ADAM22: variants seen among roughly 807,000 people sequenced by gnomAD.
ADAM22 encodes the protein ADAM metallopeptidase domain 22, also known as disintegrin and metalloproteinase domain-containing protein 22.
In ADAM22, 65 loss-of-function variants were observed where a neutral mutation model predicts 144.6. That is an observed-to-expected ratio of 0.45 (90% CI 0.37 to 0.55). The LOEUF is 0.55. Among genes scored for constraint, ADAM22 ranks in the 20% least tolerant of loss-of-function variants. The probability of loss-of-function intolerance (pLI) is 0.00; values close to 1 mark genes in which losing one functional copy is unlikely to be tolerated. For missense variants in ADAM22, 974 were observed against 1,184.9 expected (o/e 0.82, Z 2.61); for synonymous variants, 391 against 412.6 (o/e 0.95, Z 0.63).
intron 12 of ADAM22, among the ~76,000 whole-genome samples, chr7:88,133,845 T>C (rs1255473362): frequency 6.6e-6 from 1 of 152,206 alleles, no homozygotes; most frequent in Non-Finnish European, 1.5e-5. Context: ...AAGTTTCTAT[T>C]GGCCGAAGAT....
chr7:88,159,578 C>T (rs1293869456), intron 22 of ADAM22, among the ~76,000 whole-genome samples: 1 of 152,088 alleles, frequency 6.6e-6, no homozygotes, highest in Admixed American at 6.6e-5. Flanking sequence ...AGGCTTTGTT[C>T]CCGGGTTCCA....
chr7:87,952,467 C>T (rs1228025604), intron 2 of ADAM22, among the ~76,000 whole-genome samples: 1 of 152,032 alleles, frequency 6.6e-6, no homozygotes, highest in African/African-American at 2.4e-5. Context: ...TATATTGAAC[C>T]AGCCTTGCAT....
intron 30 of ADAM22, among the ~76,000 whole-genome samples, chr7:88,188,057 T>C (rs1848716312): frequency 6.6e-6 from 1 of 151,938 alleles, no homozygotes; most frequent in Non-Finnish European, 1.5e-5. Flanking sequence ...ACAGGTAAGA[T>C]GATTTTGACT....
chr7:87,978,106 A>G (rs543921414), intron 2 of ADAM22, among the ~76,000 whole-genome samples: 11 of 152,336 alleles, frequency 7.2e-5, no homozygotes, highest in African/African-American at 2.6e-4. Context: ...GAGGTAAACT[A>G]GAAAAGTAGG....
intron 4 of ADAM22, among the ~76,000 whole-genome samples, chr7:88,087,353 A>C (rs1242355469): frequency 6.6e-6 from 1 of 151,912 alleles, no homozygotes; most frequent in Non-Finnish European, 1.5e-5. Context: ...TTTCTCTCAA[A>C]TTCAGTTATG....
intron 3 of ADAM22, among the ~76,000 whole-genome samples, chr7:87,987,325 T>C (rs906490836): frequency 3.9e-5 from 6 of 152,088 alleles, no homozygotes; most frequent in African/African-American, 1.4e-4. Context: ...ATTACAGGTG[T>C]GTGCCACCAT....
intron 26 of ADAM22, among the ~76,000 whole-genome samples, chr7:88,177,849 G>T (rs895327702): frequency 3.3e-5 from 5 of 152,114 alleles, no homozygotes; most frequent in African/African-American, 1.2e-4. Flanking sequence ...AACCAAATAA[G>T]AAAAAGAAAA....
chr7:88,191,819 A>T (rs1284238932), intron 30 of ADAM22, among the ~76,000 whole-genome samples: 1 of 152,212 alleles, frequency 6.6e-6, no homozygotes, highest in African/African-American at 2.4e-5. Flanking sequence ...GGAGTTACAG[A>T]TTAAAAGTGA....
chr7:88,045,923 T>TGA (rs897622020), intron 3 of ADAM22, among the ~76,000 whole-genome samples: 2 of 151,584 alleles, frequency 1.3e-5, no homozygotes, highest in African/African-American at 4.9e-5. Context: ...TGTGTGTGTG[T>TGA]GTGTGTGTGT....
intron 3 of ADAM22, among the ~76,000 whole-genome samples, chr7:88,058,934 A>G (rs1225056496): frequency 6.6e-6 from 1 of 152,208 alleles, no homozygotes; most frequent in African/African-American, 2.4e-5. Flanking sequence ...CTTTCCTGGC[A>G]GAAGTAGGAG....
At chr7:88,092,959 T>TTC (rs1554463597) in intron 4 of ADAM22, among the ~76,000 whole-genome samples, 2 of 151,764 alleles carry the variant, frequency 1.3e-5, no homozygotes, top group South Asian at 2.1e-4. Context: ...AGATTTTTTT[T>TTC]CCCCCAGTTA....
At chr7:87,983,504 G>A (rs917495475) in intron 3 of ADAM22, among the ~76,000 whole-genome samples, 1 of 151,996 alleles carries the variant, frequency 6.6e-6, no homozygotes, top group African/African-American at 2.4e-5. Flanking sequence ...GATTTGTGTT[G>A]CACCTTATTG....
In ADAM22 at chr7:88,000,303, CA is replaced by C. The variant is rs746366517; in HGVS notation, c.323+21892del. 7.9e-4 allele frequency among the ~76,000 whole-genome samples: 121 copies of C among 152,278 alleles called. 2 individuals carry two copies. The highest frequency in any genetic ancestry group is 1.3e-3 in the Non-Finnish European group (91 of 68,020). ...AACAGTACAGAGAGATAAAAATATA[CA>C]TCAATTAGAGCAGCAAATCACAGTA... On this transcript the variant is annotated intron_variant, in intron 3 of 31. Transcript: ENST00000413139.
chr7:88,027,507 A>G (rs927642959), intron 3 of ADAM22, among the ~76,000 whole-genome samples: 2 of 152,064 alleles, frequency 1.3e-5, no homozygotes, highest in Non-Finnish European at 2.9e-5. Context: ...TAGCTTTTCC[A>G]ATTTCTTGGC....
At chr7:87,943,216 G>C (rs1584466366) in intron 2 of ADAM22, among the ~76,000 whole-genome samples, 1 of 150,624 alleles carries the variant, frequency 6.6e-6, no homozygotes, top group East Asian at 1.9e-4. Flanking sequence ...ATTGTATTGA[G>C]TGATTTACAT....
intron 2 of ADAM22, among the ~76,000 whole-genome samples, chr7:87,947,407 A>C (rs1843957397): frequency 6.6e-6 from 1 of 152,168 alleles, no homozygotes; most frequent in Non-Finnish European, 1.5e-5. Flanking sequence ...AGAAGTGTTC[A>C]TTCCTGTCAC....
At position 88,168,340 on chromosome 7, in the gene ADAM22, A is replaced by G. The variant is rs778752278; in HGVS notation, c.2282+113A>G. The G allele has an allele frequency of 9.2e-6, 10 of 1,084,642 alleles. No homozygotes were observed. The African/African-American group carries it at 1.5e-4, about 17-fold the overall frequency. 67.2% of individuals were successfully genotyped at this position (1,084,642 alleles called of 1,614,324 possible). A position where few individuals can be genotyped will look rare whatever the true frequency, so the allele number is the denominator to read the frequency against. ...TTGGTTGAATATACTTGCAATGAAAATCAGCTTGGCTCAGCAGCCAGTCAA... is the reference window on the plus strand; with the variant it reads ...TTGGTTGAATATACTTGCAATGAAAGTCAGCTTGGCTCAGCAGCCAGTCAA... On this transcript the variant is annotated intron_variant, in intron 25 of 31. Coordinates refer to ENST00000413139, the MANE Select transcript of ADAM22 (RefSeq NM_001324418.2).
In ADAM22 at chr7:88,186,642, C is replaced by T. The variant is rs189426857; in HGVS notation, c.2691C>T (p.Asp897=). 2 of 1,612,052 alleles carry T rather than the reference C, an allele frequency of 1.2e-6. No homozygotes were observed. Among genetic ancestry groups the T allele is most frequent in the Admixed American group, 3.3e-5 (2 of 60,000 alleles). The change falls in exon 30 of 32, where the codon GAC becomes GAT. Residue 897 remains aspartate (D), a synonymous_variant. Coordinates refer to ENST00000413139, the MANE Select transcript of ADAM22 (RefSeq NM_001324418.2). ...TEYLNPWFKR[D]YNVAKWVEDV... Reference sequence around the variant, plus strand: ...ATTTAAACCCATGGTTCAAAAGAGACTATAATGTAGCTAAGTGGGTAGAAG... The same window carrying T: ...ATTTAAACCCATGGTTCAAAAGAGATTATAATGTAGCTAAGTGGGTAGAAG...
chr7:88,025,927 A>G (rs1349920220), intron 3 of ADAM22, among the ~76,000 whole-genome samples: 1 of 152,134 alleles, frequency 6.6e-6, no homozygotes, highest in Non-Finnish European at 1.5e-5. Flanking sequence ...TTTAGTAAGG[A>G]TTGCATTGAA....
Sources: gnomAD v4.1 joint callset for allele counts (sites outside exome capture counted in the v4.1 genomes callset) on GRCh38, gnomAD v4.1.1 for gene constraint, MANE v1.5 for transcripts, NCBI Gene and HGNC (gene_info 2026-07-23, HGNC 2026-07-21) for gene names.